Variants in TIMM44 observed in about 807,000 individuals in gnomAD.
TIMM44 encodes mitochondrial import inner membrane translocase subunit TIM44.
Under a neutral mutation model 63.8 loss-of-function variants are expected in TIMM44, and 37 were observed. The observed-to-expected ratio is 0.58, with a 90% CI of 0.45 to 0.76. TIMM44 has a LOEUF of 0.76. Ranked by LOEUF, TIMM44 falls within the 30% of genes least tolerant of loss-of-function variation. The pLI is 0.00. For missense variants in TIMM44, 573 were observed against 603.8 expected (o/e 0.95, Z 0.54); for synonymous variants, 239 against 245.1 (o/e 0.98, Z 0.23).
chr19:7,941,204 G>T lies in TIMM44; in HGVS notation c.46-7C>A, dbSNP rs371284113. ...TTCCACTGCCGAGGCATCTCTAATT[G>T]GGGGGAGAGAAGAGAAAGATCCATT... On this transcript the variant is annotated splice_polypyrimidine_tract_variant and splice_region_variant and intron_variant, in intron 1 of 12. Coordinates refer to ENST00000270538, the MANE Select transcript of TIMM44 (RefSeq NM_006351.4). 2 of 1,604,304 alleles carry T rather than the reference G, an allele frequency of 1.2e-6. No homozygotes were observed. Among genetic ancestry groups the T allele is most frequent in the Admixed American group, 1.7e-5 (1 of 59,986 alleles).
At chr19:7,931,997 A>T (rs1345068692) in intron 9 of TIMM44, among the ~76,000 whole-genome samples, 2 of 152,192 alleles carry the variant, frequency 1.3e-5, no homozygotes, top group Non-Finnish European at 2.9e-5. Context: ...AAGGATGGAG[A>T]GTCCCATGAA....
At position 7,943,640 on chromosome 19, in the gene TIMM44, C is replaced by T. The variant is rs545258619; in HGVS notation, c.12G>A (p.Ala4=). 11 of 1,566,754 alleles carry T rather than the reference C, an allele frequency of 7.0e-6. No homozygotes were observed. The African/African-American group carries it at 9.5e-5, about 13-fold the overall frequency. ...AGCGGCACCAGCCACTCCGCAGGGC[C>T]GCCGCCGCCATGTTGGAGAATCGTG... MAA[A]ALRSGWCRCP... The change falls in exon 1 of 13, where the codon GCG becomes GCA. Residue 4 remains alanine (A), a synonymous_variant. Coordinates refer to ENST00000270538, the MANE Select transcript of TIMM44 (RefSeq NM_006351.4). The surrounding 1 kb of genome is among the most constrained non-coding windows in gnomAD (Gnocchi z 4.3).
intron 9 of TIMM44, 88 bp from the exon 10 acceptor site, chr19:7,931,276 G>T: frequency 7.8e-7 from 1 of 1,276,192 alleles, no homozygotes; most frequent in Non-Finnish European, 1.1e-6. Flanking sequence ...CAGTGGTGCG[G>T]GGTGGGGAGT....
Position 7,933,007 on chromosome 19 carries a change from C to T in TIMM44, c.770-75G>A. ...AACCCTCCCTCACAGCTTCTAGAGG[C>T]TCCCTGTGACCCCTGCGGGATCCAC... On this transcript the variant is annotated intron_variant, in intron 7 of 12. Coordinates refer to ENST00000270538, the MANE Select transcript of TIMM44 (RefSeq NM_006351.4). The surrounding 1 kb of genome is among the most constrained non-coding windows in gnomAD (Gnocchi z 4.3). 2 of 1,222,012 alleles carry T rather than the reference C, an allele frequency of 1.6e-6. No individual in the cohort carries two copies. Among genetic ancestry groups the T allele is most frequent in the Non-Finnish European group, 2.4e-6 (2 of 835,412 alleles). The allele number at this position is 1,222,012 out of a possible 1,614,324, so 75.7% of individuals were successfully genotyped here.
intron 1 of TIMM44, among the ~76,000 whole-genome samples, chr19:7,942,076 C>T (rs891658547): frequency 1.1e-4 from 17 of 152,144 alleles, no homozygotes; most frequent in African/African-American, 4.1e-4. Flanking sequence ...TGGCTGGGCG[C>T]GGTGGCTCAC....
At chr19:7,930,588 G>A (rs1021363641) in intron 10 of TIMM44, among the ~76,000 whole-genome samples, 4 of 152,152 alleles carry the variant, frequency 2.6e-5, no homozygotes, top group Admixed American at 2.0e-4. Flanking sequence ...TTACAGGCAT[G>A]AGCCACCGCA....
Position 7,933,336 on chromosome 19 carries a change from G to GT in TIMM44, c.769+148dup. 1.2e-6 allele frequency: 1 copy of GT among 803,198 alleles called. No individual in the cohort carries two copies. The highest frequency in any genetic ancestry group is 1.4e-5 in the South Asian group (1 of 73,252). 49.8% of individuals were successfully genotyped at this position (803,198 alleles called of 1,614,324 possible). The stretch of plus-strand genomic sequence containing the variant: ...GCAGAATCTACAGCCCCACCATCAT[G>GT]TGACCGCAAAGAAGTGACCGGCCCA... On this transcript the variant is annotated intron_variant, in intron 7 of 12. Coordinates refer to ENST00000270538, the MANE Select transcript of TIMM44 (RefSeq NM_006351.4). This position sits in a 1 kb window ranked among gnomAD's most constrained non-coding sequence, Gnocchi z 4.3.
chr19:7,931,234 C>T, intron 9 of TIMM44, 46 bp from the exon 10 acceptor site: 1 of 1,558,476 alleles, frequency 6.4e-7, no homozygotes, highest in Non-Finnish European at 8.9e-7. Flanking sequence ...GTGGGCTTTT[C>T]AGGCAGCAGG....
intron 1 of TIMM44, among the ~76,000 whole-genome samples, chr19:7,942,267 A>G (rs1811745855): frequency 6.6e-6 from 1 of 152,080 alleles, no homozygotes; most frequent in African/African-American, 2.4e-5. Flanking sequence ...CGGGAGGTGG[A>G]GGGTGCAGTG....
chr19:7,933,636 T>C lies in TIMM44; in HGVS notation c.684-66A>G. 1 of 1,455,022 alleles carries C rather than the reference T, an allele frequency of 6.9e-7. No individual in the cohort carries two copies. The highest frequency in any genetic ancestry group is 9.7e-7 in the Non-Finnish European group (1 of 1,036,056). 90.1% of individuals were successfully genotyped at this position (1,455,022 alleles called of 1,614,324 possible). A position where few individuals can be genotyped will look rare whatever the true frequency, so the allele number is the denominator to read the frequency against. ...GGGCCACCCTGTGCCCTCCTGCGGC[T>C]GCAGGCAGGGGGCAGTACAGGACAG... On this transcript the variant is annotated intron_variant, in intron 6 of 12. Coordinates refer to ENST00000270538, the MANE Select transcript of TIMM44 (RefSeq NM_006351.4). This position sits in a 1 kb window ranked among gnomAD's most constrained non-coding sequence, Gnocchi z 4.3.
intron 2 of TIMM44, among the ~76,000 whole-genome samples, chr19:7,940,890 T>TA (rs1984288920): frequency 6.6e-6 from 1 of 151,794 alleles, no homozygotes; most frequent in Admixed American, 6.6e-5. Flanking sequence ...CTTATCCCCT[T>TA]ACGACATCAA....
In TIMM44 at chr19:7,943,623, C is replaced by T. The variant is rs1318213400; in HGVS notation, c.29G>A (p.Trp10Ter). 1 of 1,573,260 alleles carries T rather than the reference C, an allele frequency of 6.4e-7. No homozygotes were observed. Among genetic ancestry groups the T allele is most frequent in the Admixed American group, 1.8e-5 (1 of 56,474 alleles). Residue 10 changes from tryptophan (W) to a stop codon, truncating the protein, a stop_gained, in exon 1 of 13, where the codon TGG becomes TAG. Coordinates refer to ENST00000270538, the MANE Select transcript of TIMM44 (RefSeq NM_006351.4). LOFTEE classifies it high-confidence loss of function. This position sits in a 1 kb window ranked among gnomAD's most constrained non-coding sequence, Gnocchi z 4.3. ...GCCGCTCACCCGTGGACAGCGGCAC[C>T]AGCCACTCCGCAGGGCCGCCGCCGC... The part of the protein sequence containing the change: MAAAALRSG[W>*]CRCPRRCLGS...
At chr19:7,935,207 C>A in intron 3 of TIMM44, 62 bp from the exon 4 acceptor site, 1 of 1,436,610 alleles carries the variant, frequency 7.0e-7, no homozygotes, top group South Asian at 1.2e-5. Flanking sequence ...TCTCCGTTGC[C>A]GAGGCTGGAG....
intron 3 of TIMM44, 158 bp from the exon 4 acceptor site, chr19:7,935,303 C>A: frequency 1.5e-6 from 1 of 668,498 alleles, no homozygotes; most frequent in Non-Finnish European, 2.6e-6. Flanking sequence ...GTAGCTGGGA[C>A]TACAGGGCCC....
intron 10 of TIMM44, among the ~76,000 whole-genome samples, chr19:7,930,147 C>A (rs1266945144): frequency 6.6e-6 from 1 of 151,500 alleles, no homozygotes; most frequent in African/African-American, 2.4e-5. Context: ...CCGTGCCCGA[C>A]CTATTTCCTT....
In TIMM44 at chr19:7,943,179, C is replaced by T. The variant is rs116542596; in HGVS notation, c.45+428G>A. Among the ~76,000 whole-genome samples the T allele has an allele frequency of 0.014, 2,081 of 152,228 alleles. 46 individuals carry two copies. Among genetic ancestry groups the T allele is most frequent in the African/African-American group, 0.048 (1,997 of 41,526 alleles). The stretch of plus-strand genomic sequence containing the variant: ...GCCTGCTAGGGCGCGAACCACCTCT[C>T]GCACATCCACAATGAACGTTAGAAG... On this transcript the variant is annotated intron_variant, in intron 1 of 12. Transcript: ENST00000270538. This position sits in a 1 kb window ranked among gnomAD's most constrained non-coding sequence, Gnocchi z 4.3.
chr19:7,939,874 T>C lies in TIMM44; in HGVS notation c.141+1228A>G, dbSNP rs186248064. Among the ~76,000 whole-genome samples the C allele has an allele frequency of 1.4e-4, 21 of 152,270 alleles. 1 individual carries two copies. Among genetic ancestry groups the C allele is most frequent in the Admixed American group, 1.3e-3 (20 of 15,298 alleles). On this transcript the variant is annotated intron_variant, in intron 2 of 12. Coordinates refer to ENST00000270538, the MANE Select transcript of TIMM44 (RefSeq NM_006351.4). ...GTTGCAGTGAGCGGTATCTCGCCCC[T>C]GCACTCCAGCCTGGGCGACAGAGTG... is the stretch of plus-strand genomic sequence containing the variant.
intron 2 of TIMM44, among the ~76,000 whole-genome samples, chr19:7,940,736 A>T (rs546150516): frequency 6.6e-5 from 10 of 152,192 alleles, no homozygotes; most frequent in African/African-American, 2.4e-4. Context: ...TGTACCAATG[A>T]TCAAAGGGCT....
Position 7,934,268 on chromosome 19 carries a change from T to C in TIMM44, c.394-30A>G. ...TGAGACAGACACAGAGAGGGGGCGTTGGCACCGGCCCTGGCGGCCGGGGGG... is the reference window on the plus strand; with the variant it reads ...TGAGACAGACACAGAGAGGGGGCGTCGGCACCGGCCCTGGCGGCCGGGGGG... On this transcript the variant is annotated intron_variant, in intron 4 of 12. Coordinates refer to ENST00000270538, the MANE Select transcript of TIMM44 (RefSeq NM_006351.4). The surrounding 1 kb of genome is among the most constrained non-coding windows in gnomAD (Gnocchi z 5.3). 6.2e-7 allele frequency: 1 copy of C among 1,608,410 alleles called. No individual in the cohort carries two copies. The highest frequency in any genetic ancestry group is 8.5e-7 in the Non-Finnish European group (1 of 1,179,896).
Sources: gnomAD v4.1 joint callset for allele counts (sites outside exome capture counted in the v4.1 genomes callset) on GRCh38, gnomAD v4.1.1 for gene constraint, Gnocchi (gnomAD v3.1) non-coding constraint, MANE v1.5 for transcripts, NCBI Gene and HGNC (gene_info 2026-07-23, HGNC 2026-07-21) for gene names.